Variants in ZBTB7C observed in about 807,000 individuals in gnomAD.
ZBTB7C encodes the protein zinc finger and BTB domain containing 7C, also known as zinc finger and BTB domain-containing protein 7C.
A neutral mutation model predicts 25.7 loss-of-function variants in ZBTB7C; 8 were observed. The ratio of observed to expected loss-of-function variants is 0.31; its 90% CI spans 0.18 to 0.56. ZBTB7C has a LOEUF of 0.56. Among genes scored for constraint, ZBTB7C ranks in the 20% least tolerant of loss-of-function variants. The pLI is 0.91. For synonymous variants in ZBTB7C, 394 were observed against 369.0 expected, an observed-to-expected ratio of 1.07 and a Z score of -0.78; for missense variants, 824 against 855.2, an observed-to-expected ratio of 0.96 and a Z score of 0.46.
intron 2 of ZBTB7C, among the ~76,000 whole-genome samples, chr18:48,271,476 C>T (rs1313047542): frequency 2.7e-5 from 4 of 148,202 alleles, no homozygotes; most frequent in African/African-American, 7.4e-5. Flanking sequence ...GTATATGATA[C>T]ATAAATCAAA....
intron 2 of ZBTB7C, among the ~76,000 whole-genome samples, chr18:48,241,513 AC>A (rs1379461145): frequency 6.6e-6 from 1 of 152,206 alleles, no homozygotes; most frequent in African/African-American, 2.4e-5. Flanking sequence ...ACTCTCTCAG[AC>A]CACAGTGGAA....
At chr18:48,196,845 G>A (rs888685700) in intron 2 of ZBTB7C, among the ~76,000 whole-genome samples, 1 of 152,182 alleles carries the variant, frequency 6.6e-6, no homozygotes, top group Non-Finnish European at 1.5e-5. Flanking sequence ...GAAGGAAAAT[G>A]CCCTTCAGAA....
intron 2 of ZBTB7C, among the ~76,000 whole-genome samples, chr18:48,255,605 C>A (rs747944097): frequency 1.3e-5 from 2 of 152,160 alleles, no homozygotes; most frequent in South Asian, 2.1e-4. Context: ...TAAGAAAGTC[C>A]TATCTGCTTT....
At chr18:48,123,041 C>T (rs1189680478) in intron 3 of ZBTB7C, among the ~76,000 whole-genome samples, 1 of 152,108 alleles carries the variant, frequency 6.6e-6, no homozygotes, top group Non-Finnish European at 1.5e-5. Flanking sequence ...GGCCTGACAC[C>T]CTGGGCTGTA....
At chr18:48,084,832 A>T (rs1193099275) in intron 3 of ZBTB7C, among the ~76,000 whole-genome samples, 1 of 152,172 alleles carries the variant, frequency 6.6e-6, no homozygotes, top group African/African-American at 2.4e-5. Flanking sequence ...TGTATGGGGT[A>T]TGGTATCTGG....
chr18:48,382,534 C>T (rs761842081), intron 1 of ZBTB7C, among the ~76,000 whole-genome samples: 1 of 152,164 alleles, frequency 6.6e-6, no homozygotes, highest in Non-Finnish European at 1.5e-5. Context: ...ACTTAGTGTC[C>T]CACATCCTCG....
At chr18:48,159,783 C>A (rs2040945161) in intron 3 of ZBTB7C, among the ~76,000 whole-genome samples, 1 of 152,216 alleles carries the variant, frequency 6.6e-6, no homozygotes, top group Non-Finnish European at 1.5e-5. Flanking sequence ...ATCCCACATG[C>A]CATAGTAGTC....
chr18:48,118,355 T>A (rs2039516514), intron 3 of ZBTB7C, among the ~76,000 whole-genome samples: 1 of 152,228 alleles, frequency 6.6e-6, no homozygotes, highest in Non-Finnish European at 1.5e-5. Flanking sequence ...CAGGTAATCA[T>A]GTATTTCTGA....
At chr18:48,151,040 A>T (rs1210326396) in intron 3 of ZBTB7C, among the ~76,000 whole-genome samples, 1 of 152,210 alleles carries the variant, frequency 6.6e-6, no homozygotes, top group Non-Finnish European at 1.5e-5. Context: ...CTAAGGATGC[A>T]TGCTGCCGAT....
At chr18:48,072,824 C>G (rs895958714) in intron 3 of ZBTB7C, among the ~76,000 whole-genome samples, 1 of 152,218 alleles carries the variant, frequency 6.6e-6, no homozygotes. Context: ...GGCAGCCGCT[C>G]TCCGCTTCAT....
chr18:48,378,736 A>G (rs1245563596), intron 1 of ZBTB7C, among the ~76,000 whole-genome samples: 1 of 152,234 alleles, frequency 6.6e-6, no homozygotes, highest in Non-Finnish European at 1.5e-5. Context: ...GACAATATGC[A>G]ATCATAAAAC....
intron 3 of ZBTB7C, among the ~76,000 whole-genome samples, chr18:48,051,706 G>A (rs974577731): frequency 1.3e-5 from 2 of 152,132 alleles, no homozygotes; most frequent in South Asian, 2.1e-4. Flanking sequence ...GTTCCCTACG[G>A]GGCTGCCTGG....
intron 2 of ZBTB7C, among the ~76,000 whole-genome samples, chr18:48,217,653 C>T (rs966872004): frequency 8.5e-5 from 13 of 152,086 alleles, no homozygotes; most frequent in Admixed American, 1.3e-4. Flanking sequence ...AAGATGAAAG[C>T]CCCCAGAGAG....
intron 1 of ZBTB7C, among the ~76,000 whole-genome samples, chr18:48,402,962 G>A (rs559978456): frequency 6.6e-6 from 1 of 152,260 alleles, no homozygotes; most frequent in East Asian, 1.9e-4. Context: ...AGTTCAGTGG[G>A]GTTTGGAAAT....
chr18:48,273,135 C>T (rs778401276), intron 2 of ZBTB7C, among the ~76,000 whole-genome samples: 11 of 152,032 alleles, frequency 7.2e-5, no homozygotes, highest in East Asian at 5.8e-4. Context: ...TTTAAAAGTG[C>T]GAAATTTATG....
At chr18:48,268,213 C>A (rs2044369724) in intron 2 of ZBTB7C, among the ~76,000 whole-genome samples, 1 of 152,206 alleles carries the variant, frequency 6.6e-6, no homozygotes, top group African/African-American at 2.4e-5. Flanking sequence ...ACAAGCACTT[C>A]TCCAGCCCCA....
chr18:48,369,893 A>T lies in ZBTB7C; in HGVS notation c.-303-31495T>A, dbSNP rs188394691. Among the ~76,000 whole-genome samples, 169 of 152,286 alleles carry T rather than the reference A, an allele frequency of 1.1e-3. 1 individual carries two copies. Among genetic ancestry groups the T allele is most frequent in the African/African-American group, 3.9e-3 (161 of 41,548 alleles). Reference sequence around the variant, plus strand: ...ACCCAACAACACCATCAACCAATAGAATCTAATCAACATTTACAGAACACT... The same window carrying T: ...ACCCAACAACACCATCAACCAATAGTATCTAATCAACATTTACAGAACACT... On this transcript the variant is annotated intron_variant, in intron 1 of 4. Transcript: ENST00000590800.
rs2036218310 is a variant in ZBTB7C at position 48,041,008 on chromosome 18, ACAG to A, written c.97_99del (p.Leu33del). The A allele has an allele frequency of 6.2e-7, 1 of 1,613,864 alleles. No individual in the cohort carries two copies. The highest frequency in any genetic ancestry group is 1.3e-5 in the African/African-American group (1 of 74,912). ...TCCTGCACCACCAGGAGCACGTCAC[ACAG>A]CAGGCCATCGTGCCGTTGCTCATTG... On this transcript the variant is annotated inframe_deletion, in exon 4 of 5. Transcript: ENST00000590800.
intron 2 of ZBTB7C, among the ~76,000 whole-genome samples, chr18:48,287,182 C>G (rs1341862737): frequency 7.7e-5 from 2 of 25,900 alleles, no homozygotes; most frequent in Non-Finnish European, 3.1e-4. Flanking sequence ...TTAAAAACAC[C>G]AATCAGAGAC....
Sources: allele counts gnomAD v4.1 joint callset (sites outside exome capture counted in the v4.1 genomes callset), GRCh38; gene constraint gnomAD v4.1.1; transcripts MANE v1.5; gene names NCBI Gene and HGNC (gene_info 2026-07-23, HGNC 2026-07-21).